MBNL2: variants seen among roughly 807,000 people sequenced by gnomAD.
MBNL2 encodes the protein muscleblind like splicing regulator 2.
In MBNL2, 17 loss-of-function variants were observed where a neutral mutation model predicts 41.9. That is an observed-to-expected ratio of 0.41 (90% CI 0.28 to 0.61). The LOEUF (loss-of-function observed/expected upper bound fraction) is 0.61. Among genes scored for constraint, MBNL2 ranks in the 20% least tolerant of loss-of-function variants. The probability of loss-of-function intolerance (pLI) is 0.35; values close to 1 mark genes in which losing one functional copy is unlikely to be tolerated. For synonymous variants in MBNL2, 195 were observed against 182.9 expected (o/e 1.07, Z -0.53); for missense variants, 336 against 505.6 (o/e 0.66, Z 3.22).
At chr13:97,151,229 A>T in the MBNL2 span, among the ~76,000 whole-genome samples, 1 of 152,192 alleles carries the variant, frequency 6.6e-6, no homozygotes, top group Non-Finnish European at 1.5e-5. Flanking sequence ...GCGGTGGCAG[A>T]TGCTTTTCAA....
chr13:97,200,645 T>G, the MBNL2 span, among the ~76,000 whole-genome samples: 2 of 152,332 alleles, frequency 1.3e-5, no homozygotes, highest in East Asian at 3.9e-4. Context: ...TCTTTAAAAT[T>G]TGCAATTCAC....
At chr13:97,340,640 G>A (rs1220732584) in intron 3 of MBNL2, among the ~76,000 whole-genome samples, 1 of 152,098 alleles carries the variant, frequency 6.6e-6, no homozygotes, top group Non-Finnish European at 1.5e-5. Context: ...TAAAGCCCAG[G>A]GAGGTTAATT....
intron 8 of MBNL2, among the ~76,000 whole-genome samples, chr13:97,370,833 G>T (rs1337227102): frequency 6.6e-6 from 1 of 152,046 alleles, no homozygotes; most frequent in African/African-American, 2.4e-5. Context: ...GGTTTCTTTT[G>T]TCATAGACTT....
intron 2 of MBNL2, among the ~76,000 whole-genome samples, chr13:97,302,482 C>G (rs2057725914): frequency 6.6e-6 from 1 of 152,184 alleles, no homozygotes; most frequent in Non-Finnish European, 1.5e-5. Context: ...ATCTGGTAAT[C>G]TAGAGTGGTA....
At chr13:97,324,260 T>C (rs2059734361) in intron 2 of MBNL2, among the ~76,000 whole-genome samples, 1 of 152,230 alleles carries the variant, frequency 6.6e-6, no homozygotes, top group Non-Finnish European at 1.5e-5. Context: ...GTCATTTTAA[T>C]ATCACAGGGC....
chr13:97,224,070 G>A (rs1216325390), intron 1 of MBNL2, among the ~76,000 whole-genome samples: 1 of 152,100 alleles, frequency 6.6e-6, no homozygotes, highest in Non-Finnish European at 1.5e-5. Context: ...GCCACATGTC[G>A]GGCCGGTCAG....
intron 2 of MBNL2, among the ~76,000 whole-genome samples, chr13:97,331,947 G>T (rs1353148731): frequency 6.6e-6 from 1 of 152,170 alleles, no homozygotes; most frequent in African/African-American, 2.4e-5. Context: ...TAAGAAAATT[G>T]TATTTTTCCA....
At position 97,299,412 on chromosome 13, in the gene MBNL2, G is replaced by A. The variant is rs192436686; in HGVS notation, c.174+23003G>A. 1.4e-4 allele frequency among the ~76,000 whole-genome samples: 21 copies of A among 152,132 alleles called. No individual in the cohort carries two copies. The East Asian group carries it at 1.5e-3, about 11-fold the overall frequency. On this transcript the variant is annotated intron_variant, in intron 2 of 8. Coordinates refer to ENST00000679496, the MANE Select transcript of MBNL2 (RefSeq NM_001382683.1). ...AGCAAATAAATAAATTTATGGAATCGATTGATGTAGGCTTTTTGGAGCACA... is the reference window on the plus strand; with the variant it reads ...AGCAAATAAATAAATTTATGGAATCAATTGATGTAGGCTTTTTGGAGCACA...
intron 2 of MBNL2, among the ~76,000 whole-genome samples, chr13:97,284,865 T>C (rs780557718): frequency 7.9e-4 from 121 of 152,342 alleles, no homozygotes; most frequent in Non-Finnish European, 5.3e-4. Flanking sequence ...TTTTCACCTA[T>C]AAATGAATGG....
chr13:97,390,001 CTT>C (rs1365648875), intron 8 of MBNL2, among the ~76,000 whole-genome samples: 1 of 151,720 alleles, frequency 6.6e-6, no homozygotes, highest in Non-Finnish European at 1.5e-5. Context: ...AAAATAATAT[CTT>C]ATTAATTTTA....
chr13:97,354,897 T>G (rs2062848696), intron 5 of MBNL2, among the ~76,000 whole-genome samples: 1 of 152,026 alleles, frequency 6.6e-6, no homozygotes, highest in African/African-American at 2.4e-5. Context: ...TGATTTTGAG[T>G]TTAACGATCC....
chr13:97,385,870 T>G (rs1287621714), intron 8 of MBNL2, among the ~76,000 whole-genome samples: 1 of 152,204 alleles, frequency 6.6e-6, no homozygotes, highest in East Asian at 1.9e-4. Context: ...GCTGATTAGT[T>G]CAAGTTCAGT....
At chr13:97,380,710 G>A (rs2065369843) in intron 8 of MBNL2, among the ~76,000 whole-genome samples, 1 of 151,996 alleles carries the variant, frequency 6.6e-6, no homozygotes, top group African/African-American at 2.4e-5. Context: ...TGAAAGAATG[G>A]GCCTCACCAC....
At chr13:97,228,625 G>A (rs1482651475) in intron 1 of MBNL2, among the ~76,000 whole-genome samples, 3 of 151,064 alleles carry the variant, frequency 2.0e-5, no homozygotes, top group South Asian at 4.2e-4. Context: ...TGCCTCCCAG[G>A]TTCAAGCGAT....
chr13:97,274,816 A>G (rs1879043290), intron 1 of MBNL2, among the ~76,000 whole-genome samples: 1 of 152,218 alleles, frequency 6.6e-6, no homozygotes, highest in South Asian at 2.1e-4. Context: ...CTTACTGACT[A>G]TATTTTTGTT....
intron 1 of MBNL2, among the ~76,000 whole-genome samples, chr13:97,237,198 C>T (rs184242252): frequency 3.3e-5 from 5 of 152,184 alleles, no homozygotes; most frequent in Non-Finnish European, 7.3e-5. Flanking sequence ...GTTTCTTGTG[C>T]CCACCTCTCA....
chr13:97,249,552 T>C (rs1485984611), intron 1 of MBNL2, among the ~76,000 whole-genome samples: 1 of 152,238 alleles, frequency 6.6e-6, no homozygotes, highest in Non-Finnish European at 1.5e-5. Context: ...AATGAAGATA[T>C]CATTATTTAT....
At chr13:97,300,618 C>A (rs868191501) in intron 2 of MBNL2, among the ~76,000 whole-genome samples, 8 of 152,276 alleles carry the variant, frequency 5.3e-5, no homozygotes, top group Admixed American at 1.3e-4. Context: ...CTCCATGAAG[C>A]CCACTTAACC....
At chr13:97,193,588 T>C in the MBNL2 span, among the ~76,000 whole-genome samples, 1 of 152,226 alleles carries the variant, frequency 6.6e-6, no homozygotes, top group African/African-American at 2.4e-5. Flanking sequence ...AACTATAGTT[T>C]CTACCTTTGG....
Sources: gnomAD v4.1 joint callset for allele counts (sites outside exome capture counted in the v4.1 genomes callset) on GRCh38, gnomAD v4.1.1 for gene constraint, MANE v1.5 for transcripts, NCBI Gene and HGNC (gene_info 2026-07-23, HGNC 2026-07-21) for gene names.